The following CFAP299 variants were observed in gnomAD, a reference collection of about 807,000 sequenced individuals.
CFAP299 encodes cilia and flagella associated protein 299.
In CFAP299, 21 loss-of-function variants were observed where a neutral mutation model predicts 27.0. The observed-to-expected ratio is 0.78, with a 90% CI of 0.55 to 1.12. The LOEUF (loss-of-function observed/expected upper bound fraction) is 1.12, where lower values mean the gene tolerates loss of function less well. CFAP299 is among the 50% of genes most tolerant of loss of function. CFAP299 has a pLI of 0.00. For missense variants in CFAP299, 310 were observed against 276.6 expected, an observed-to-expected ratio of 1.12 and a Z score of -0.86; for synonymous variants, 104 against 98.1, an observed-to-expected ratio of 1.06 and a Z score of -0.36.
At chr4:80,627,616 G>C (rs1011508908) in intron 3 of CFAP299, among the ~76,000 whole-genome samples, 1 of 151,910 alleles carries the variant, frequency 6.6e-6, no homozygotes, top group East Asian at 1.9e-4. Flanking sequence ...AAAGAAACCT[G>C]TGAGAATTAT....
intron 3 of CFAP299, among the ~76,000 whole-genome samples, chr4:80,726,189 T>C (rs1723149687): frequency 6.6e-6 from 1 of 151,932 alleles, no homozygotes; most frequent in Non-Finnish European, 1.5e-5. Flanking sequence ...TGTTAGACTT[T>C]CCAGAAAGAG....
chr4:80,918,628 A>G (rs1215172889), intron 4 of CFAP299, among the ~76,000 whole-genome samples: 2 of 152,136 alleles, frequency 1.3e-5, no homozygotes, highest in Non-Finnish European at 2.9e-5. Context: ...ATATATTTAT[A>G]GTACTGGTTT....
chr4:80,762,280 G>C (rs1449761237), intron 3 of CFAP299, among the ~76,000 whole-genome samples: 1 of 152,008 alleles, frequency 6.6e-6, no homozygotes, highest in Non-Finnish European at 1.5e-5. Context: ...AATTCTGACA[G>C]GAGGAAATAT....
intron 3 of CFAP299, among the ~76,000 whole-genome samples, chr4:80,693,635 T>C (rs1720895983): frequency 6.6e-6 from 1 of 151,606 alleles, no homozygotes; most frequent in Non-Finnish European, 1.5e-5. Flanking sequence ...GGCACATGTA[T>C]ACATATGTAA....
chr4:80,570,871 T>G (rs942550682), intron 2 of CFAP299, among the ~76,000 whole-genome samples: 1 of 152,062 alleles, frequency 6.6e-6, no homozygotes, highest in Non-Finnish European at 1.5e-5. Flanking sequence ...GAGAATACAA[T>G]GAAAATGAGG....
intron 2 of CFAP299, among the ~76,000 whole-genome samples, chr4:80,547,580 A>G (rs1734297204): frequency 6.6e-6 from 1 of 152,132 alleles, no homozygotes. Flanking sequence ...TCAACAGAGT[A>G]AAAAGACAGC....
Position 80,476,964 on chromosome 4 carries a change from T to C in CFAP299, c.243-106129T>C, listed in dbSNP as rs562468983. ...GTGTGCGTGTGTGTGCGCATGCGTG[T>C]GTGTGTGTGTGTGTGTGTGTCTTCC... is the stretch of plus-strand genomic sequence containing the variant. On this transcript the variant is annotated intron_variant, in intron 2 of 5. Transcript: ENST00000358105. Among the ~76,000 whole-genome samples the C allele has an allele frequency of 7.7e-3, 1,088 of 140,626 alleles. 7 individuals carry two copies. Among genetic ancestry groups the C allele is most frequent in the Middle Eastern group, 0.017 (5 of 288 alleles). 92.3% of individuals were successfully genotyped at this position (140,626 alleles called of 152,430 possible).
At chr4:80,555,144 G>C (rs751778632) in intron 2 of CFAP299, among the ~76,000 whole-genome samples, 1 of 152,128 alleles carries the variant, frequency 6.6e-6, no homozygotes, top group Non-Finnish European at 1.5e-5. Context: ...GTTTGTCATA[G>C]ATGGCTCTTG....
chr4:80,839,971 T>C (rs1730773386), intron 3 of CFAP299, among the ~76,000 whole-genome samples: 2 of 152,126 alleles, frequency 1.3e-5, no homozygotes. Flanking sequence ...CTACAGATAA[T>C]GAAACTGCTT....
intron 3 of CFAP299, among the ~76,000 whole-genome samples, chr4:80,762,756 G>T (rs930544778): frequency 2.0e-5 from 3 of 152,096 alleles, no homozygotes; most frequent in East Asian, 1.9e-4. Context: ...GCCAAAGAGT[G>T]TTGTGTCACC....
At chr4:80,791,665 A>C (rs1174160291) in intron 3 of CFAP299, among the ~76,000 whole-genome samples, 1 of 151,974 alleles carries the variant, frequency 6.6e-6, no homozygotes, top group Non-Finnish European at 1.5e-5. Context: ...CAAACCCCTA[A>C]ATATGTGCAA....
intron 2 of CFAP299, among the ~76,000 whole-genome samples, chr4:80,499,180 C>G (rs188814198): frequency 2.0e-5 from 3 of 152,154 alleles, no homozygotes; most frequent in Admixed American, 1.3e-4. Context: ...GAATATCAAA[C>G]CCCTACAACA....
chr4:80,868,354 G>T (rs1318339478), intron 3 of CFAP299, among the ~76,000 whole-genome samples: 1 of 152,026 alleles, frequency 6.6e-6, no homozygotes, highest in Non-Finnish European at 1.5e-5. Flanking sequence ...CCTCATTATT[G>T]TTTTGGTCTG....
At chr4:80,884,613 A>G (rs1276367876) in intron 4 of CFAP299, among the ~76,000 whole-genome samples, 1 of 149,810 alleles carries the variant, frequency 6.7e-6, no homozygotes, top group East Asian at 1.9e-4. Flanking sequence ...TAATAAAGAA[A>G]ATTATAAAAT....
upstream of CFAP299, chr4:80,335,621 C>T: frequency 1.5e-6 from 1 of 662,520 alleles, no homozygotes; most frequent in South Asian, 1.6e-5. Context: ...AGGCAGAAGA[C>T]AGAAACTGCA....
chr4:80,667,202 A>T (rs1741183371), intron 3 of CFAP299, among the ~76,000 whole-genome samples: 1 of 152,024 alleles, frequency 6.6e-6, no homozygotes, highest in Non-Finnish European at 1.5e-5. Flanking sequence ...TTTCAATTTT[A>T]TCTTTTATTG....
chr4:80,670,267 C>T (rs1741401606), intron 3 of CFAP299, among the ~76,000 whole-genome samples: 1 of 151,930 alleles, frequency 6.6e-6, no homozygotes, highest in African/African-American at 2.4e-5. Flanking sequence ...TGGTAGTATG[C>T]TCAGAATGAT....
chr4:80,743,026 G>A (rs1357334728), intron 3 of CFAP299, among the ~76,000 whole-genome samples: 3 of 152,162 alleles, frequency 2.0e-5, no homozygotes, highest in Non-Finnish European at 2.9e-5. Flanking sequence ...CTCCTAGAAA[G>A]TATTGTATCC....
At chr4:80,397,179 T>C (rs369861848) in intron 2 of CFAP299, among the ~76,000 whole-genome samples, 1 of 152,184 alleles carries the variant, frequency 6.6e-6, no homozygotes. Flanking sequence ...GAGGTGTTTA[T>C]AGTATTATCT....
Sources: allele counts gnomAD v4.1 joint callset (sites outside exome capture counted in the v4.1 genomes callset), GRCh38; gene constraint gnomAD v4.1.1; transcripts MANE v1.5; gene names NCBI Gene and HGNC (gene_info 2026-07-23, HGNC 2026-07-21).